Variants in NUMB observed in about 807,000 individuals in gnomAD.
The protein encoded by NUMB is protein numb homolog.
Under a neutral mutation model 59.7 loss-of-function variants are expected in NUMB, and 29 were observed. The observed-to-expected ratio is 0.49, with a 90% CI of 0.36 to 0.66. The LOEUF (loss-of-function observed/expected upper bound fraction) is 0.66. Among genes scored for constraint, NUMB ranks in the 30% least tolerant of loss-of-function variants. NUMB has a pLI of 0.00. For synonymous variants in NUMB, 288 were observed against 288.2 expected, an observed-to-expected ratio of 1.00 and a Z score of 0.01; for missense variants, 723 against 822.0, an observed-to-expected ratio of 0.88 and a Z score of 1.47.
At chr14:73,454,065 G>GC (rs1555385138) in intron 1 of NUMB, among the ~76,000 whole-genome samples, 1 of 149,986 alleles carries the variant, frequency 6.7e-6, no homozygotes, top group East Asian at 1.9e-4. Flanking sequence ...AAAAAGTTGG[G>GC]CGGGGGGGGA....
At position 73,458,536 on chromosome 14, in the gene NUMB, C is replaced by G. The variant is rs1884598715; in HGVS notation, c.-276G>C. 1 of 152,456 alleles carries G rather than the reference C, an allele frequency of 6.6e-6. No homozygotes were observed. Among genetic ancestry groups the G allele is most frequent in the Non-Finnish European group, 1.5e-5 (1 of 68,190 alleles). 9.4% of individuals were successfully genotyped at this position (152,456 alleles called of 1,614,324 possible). A position where few individuals can be genotyped will look rare whatever the true frequency, so the allele number is the denominator to read the frequency against. ...AACTCAAGCGCCACTGCCTCTACCT[C>G]GGCCGCCAGTGGCCACCAAGCGCCA... On this transcript the variant is annotated 5_prime_UTR_variant, in exon 1 of 13. Transcript: ENST00000555238.
rs533587649 is a variant in NUMB, at chr14:73,428,049, C to A, written c.-232-17981G>T. Among the ~76,000 whole-genome samples, 6 of 152,232 alleles carry A rather than the reference C, an allele frequency of 3.9e-5. No homozygotes were observed. In the South Asian group the frequency reaches 1.2e-3, roughly 32 times the overall value. On this transcript the variant is annotated intron_variant, in intron 1 of 12. Transcript: ENST00000555238. ...TGTTATGGAATCTCTCATATTTAGC[C>A]TTCCTATTATCAACCAGACACAGGA...
intron 1 of NUMB, among the ~76,000 whole-genome samples, chr14:73,417,791 C>T (rs1897194125): frequency 6.6e-6 from 1 of 152,116 alleles, no homozygotes; most frequent in African/African-American, 2.4e-5. Flanking sequence ...TAAGTGTCCA[C>T]CGATGGATGA....
At position 73,337,656 on chromosome 14, in the gene NUMB, C is replaced by T. The variant is rs550405675; in HGVS notation, c.127-14452G>A. Among the ~76,000 whole-genome samples, 3 of 151,862 alleles carry T rather than the reference C, an allele frequency of 2.0e-5. No homozygotes were observed. The East Asian group carries it at 5.8e-4, about 29-fold the overall frequency. On this transcript the variant is annotated intron_variant, in intron 4 of 12. Transcript: ENST00000555238. ...ACAAGCTCTGCCCAGTGCAATGAGG[C>T]AAGAAAAAGAAATTATAAAAATTCA... is the stretch of plus-strand genomic sequence containing the variant.
At chr14:73,367,344 T>TAGAGAG (rs1480182542) in intron 2 of NUMB, among the ~76,000 whole-genome samples, 1,151 of 84,090 alleles carry the variant, frequency 0.014, 20 homozygotes, top group African/African-American at 0.058. Flanking sequence ...TATATATATA[T>TAGAGAG]ATATAGAGAG....
In NUMB at chr14:73,450,841, C is replaced by T. The variant is rs759773297; in HGVS notation, c.-233+7652G>A. Among the ~76,000 whole-genome samples the T allele has an allele frequency of 4.7e-5, 7 of 150,534 alleles. No homozygotes were observed. In the South Asian group the frequency reaches 6.3e-4, roughly 14 times the overall value. On this transcript the variant is annotated intron_variant, in intron 1 of 12. Coordinates refer to ENST00000555238, the MANE Select transcript of NUMB (RefSeq NM_001005743.2). ...GAGTTAAAACTTCTTATAACAAAGT[C>T]GCTTATATTAAAAGAAATTAAGTAA...
chr14:73,382,169 G>A (rs554632977), intron 2 of NUMB, among the ~76,000 whole-genome samples: 39 of 152,162 alleles, frequency 2.6e-4, no homozygotes, highest in Non-Finnish European at 5.1e-4. Context: ...TTTTTGAGAT[G>A]GAGTTTTGCT....
chr14:73,457,466 T>C (rs910912811), intron 1 of NUMB, among the ~76,000 whole-genome samples: 3 of 152,170 alleles, frequency 2.0e-5, no homozygotes, highest in Non-Finnish European at 4.4e-5. Context: ...ATATCTACTG[T>C]CCTAGCCAGT....
intron 4 of NUMB, among the ~76,000 whole-genome samples, chr14:73,339,399 A>C (rs1437132371): frequency 1.3e-5 from 2 of 151,812 alleles, no homozygotes; most frequent in Non-Finnish European, 2.9e-5. Context: ...TATACCAGGC[A>C]CTCTCCTGCC....
chr14:73,348,512 C>T (rs1893027796), intron 4 of NUMB, among the ~76,000 whole-genome samples: 1 of 152,232 alleles, frequency 6.6e-6, no homozygotes, highest in African/African-American at 2.4e-5. Context: ...TGAGCTCCAC[C>T]TCCTATCTCA....
At chr14:73,406,689 G>T (rs1365517787) in intron 2 of NUMB, among the ~76,000 whole-genome samples, 3 of 152,114 alleles carry the variant, frequency 2.0e-5, no homozygotes, top group African/African-American at 7.2e-5. Context: ...CACGATGGTT[G>T]ACTAGTTTAC....
At chr14:73,456,086 T>G (rs1435498239) in intron 1 of NUMB, among the ~76,000 whole-genome samples, 1 of 150,824 alleles carries the variant, frequency 6.6e-6, no homozygotes, top group African/African-American at 2.4e-5. Context: ...AGAAATTTAA[T>G]GGAATATAAT....
intron 11 of NUMB, 63 bp downstream of exon 11, chr14:73,282,296 T>C (rs1175929483): frequency 1.3e-6 from 2 of 1,546,462 alleles, no homozygotes; most frequent in Non-Finnish European, 1.8e-6. Context: ...TTACAGTTAG[T>C]GAGCAGTGTA....
At chr14:73,408,352 T>C (rs1258330947) in intron 2 of NUMB, among the ~76,000 whole-genome samples, 3 of 152,066 alleles carry the variant, frequency 2.0e-5, no homozygotes. Context: ...TGGAGGTATA[T>C]AATGATAATA....
intron 4 of NUMB, among the ~76,000 whole-genome samples, chr14:73,326,164 C>G (rs961572470): frequency 2.0e-5 from 3 of 152,110 alleles, no homozygotes; most frequent in Non-Finnish European, 4.4e-5. Context: ...TAGGCTCACC[C>G]TGCAGCTGCA....
intron 6 of NUMB, among the ~76,000 whole-genome samples, chr14:73,313,264 GA>G (rs1428688517): frequency 6.6e-6 from 1 of 151,618 alleles, no homozygotes; most frequent in African/African-American, 2.4e-5. Context: ...GTGCTGGCTG[GA>G]GCCACCGCGC....
chr14:73,455,394 C>T (rs59799693), intron 1 of NUMB, among the ~76,000 whole-genome samples: 7,830 of 152,226 alleles, frequency 0.051, 655 homozygotes, highest in African/African-American at 0.18. Flanking sequence ...AATCAAACCA[C>T]GTACAGATAA....
chr14:73,377,653 A>G (rs1230998410), intron 2 of NUMB, among the ~76,000 whole-genome samples: 1 of 151,852 alleles, frequency 6.6e-6, no homozygotes. Flanking sequence ...CAAACAAACA[A>G]CAACAACAAC....
At chr14:73,445,381 A>C (rs796508617) in intron 1 of NUMB, among the ~76,000 whole-genome samples, 29,400 of 129,818 alleles carry the variant, frequency 0.23, 4,302 homozygotes, top group African/African-American at 0.26. Context: ...AAAAAAAAAA[A>C]AAAAAAAAAA....
Sources: allele counts gnomAD v4.1 joint callset (sites outside exome capture counted in the v4.1 genomes callset), GRCh38; gene constraint gnomAD v4.1.1; transcripts MANE v1.5; gene names NCBI Gene and HGNC (gene_info 2026-07-23, HGNC 2026-07-21).